The following NTRK2 variants were observed in gnomAD, a reference collection of about 807,000 sequenced individuals.
The protein encoded by NTRK2 is BDNF/NT-3 growth factors receptor.
A neutral mutation model predicts 94.5 loss-of-function variants in NTRK2; 13 were observed. The observed-to-expected ratio is 0.14, with a 90% confidence interval of 0.09 to 0.22. The LOEUF (loss-of-function observed/expected upper bound fraction) is 0.22. Ranked by LOEUF, NTRK2 falls within the 10% of genes least tolerant of loss-of-function variation. The pLI, the probability that NTRK2 is intolerant of heterozygous loss-of-function variation, is 1.00. For synonymous variants in NTRK2, 372 were observed against 407.4 expected (o/e 0.91, Z 1.05); for missense variants, 639 against 1,071.2 (o/e 0.60, Z 5.63).
chr9:84,675,767 C>T (rs906253910), intron 2 of NTRK2, among the ~76,000 whole-genome samples: 1 of 152,094 alleles, frequency 6.6e-6, no homozygotes, highest in African/African-American at 2.4e-5. Flanking sequence ...TAAAACAAAT[C>T]CCACCTCAAG....
intron 4 of NTRK2, among the ~76,000 whole-genome samples, chr9:84,704,906 G>A (rs933911370): frequency 1.3e-5 from 2 of 152,024 alleles, no homozygotes; most frequent in Admixed American, 1.3e-4. Flanking sequence ...CTGCCTTTCC[G>A]GATCTTAGAC....
chr9:84,782,784 T>G (rs2067725051), intron 12 of NTRK2, among the ~76,000 whole-genome samples: 1 of 152,132 alleles, frequency 6.6e-6, no homozygotes, highest in South Asian at 2.1e-4. Context: ...CAGGCTGAAG[T>G]TGTCTATTAA....
intron 1 of NTRK2, among the ~76,000 whole-genome samples, chr9:84,670,161 C>T (rs962926275): frequency 8.5e-5 from 13 of 152,150 alleles, no homozygotes; most frequent in Non-Finnish European, 1.9e-4. Context: ...CTCCCTTGGC[C>T]TCAGGCTCGA....
intron 12 of NTRK2, among the ~76,000 whole-genome samples, chr9:84,770,028 T>G (rs1250890620): frequency 2.0e-5 from 3 of 152,128 alleles, no homozygotes; most frequent in Non-Finnish European, 2.9e-5. Flanking sequence ...CTCCCTTTAC[T>G]GGCCTTGTGT....
intron 2 of NTRK2, among the ~76,000 whole-genome samples, chr9:84,681,823 T>C (rs1390722327): frequency 6.6e-6 from 1 of 152,116 alleles, no homozygotes; most frequent in African/African-American, 2.4e-5. Context: ...TTTATTTTTG[T>C]TTCAGTTTTT....
chr9:84,723,465 A>G, intron 6 of NTRK2, 108 bp from the exon 7 acceptor site: 4 of 1,302,122 alleles, frequency 3.1e-6, no homozygotes, highest in Middle Eastern at 4.3e-4. Flanking sequence ...TCAAAAAGCA[A>G]TTAAAGATTG....
intron 14 of NTRK2, among the ~76,000 whole-genome samples, chr9:84,888,018 C>T (rs1005292375): frequency 2.6e-5 from 4 of 152,096 alleles, no homozygotes; most frequent in South Asian, 2.1e-4. Context: ...AGGTACACAA[C>T]GTCTGGATAA....
chr9:84,938,078 T>C (rs1009812845), intron 15 of NTRK2, among the ~76,000 whole-genome samples: 1 of 152,120 alleles, frequency 6.6e-6, no homozygotes, highest in African/African-American at 2.4e-5. Flanking sequence ...TCAAGGAAGT[T>C]GAGTGACTTC....
intron 12 of NTRK2, among the ~76,000 whole-genome samples, chr9:84,765,260 T>G (rs1564217337): frequency 6.6e-6 from 1 of 152,226 alleles, no homozygotes; most frequent in Non-Finnish European, 1.5e-5. Context: ...TACCCCATTC[T>G]TCATGATGTG....
At chr9:84,876,566 G>A in intron 14 of NTRK2, 1 of 1,056,638 alleles carries the variant, frequency 9.5e-7, no homozygotes. Flanking sequence ...ACTTGAGCCA[G>A]ATGGACTAAC....
At chr9:84,974,097 G>T (rs1588088256) in intron 17 of NTRK2, among the ~76,000 whole-genome samples, 1 of 152,250 alleles carries the variant, frequency 6.6e-6, no homozygotes, top group East Asian at 1.9e-4. Flanking sequence ...TATTAGAGAA[G>T]AAGTTTATTT....
At chr9:84,957,481 A>G (rs970857626) in intron 17 of NTRK2, among the ~76,000 whole-genome samples, 2 of 152,220 alleles carry the variant, frequency 1.3e-5, no homozygotes, top group Non-Finnish European at 2.9e-5. Flanking sequence ...CAACATCCAC[A>G]TGGTCAATAA....
intron 17 of NTRK2, among the ~76,000 whole-genome samples, chr9:84,957,851 C>G (rs564429546): frequency 6.6e-6 from 1 of 152,324 alleles, no homozygotes; most frequent in South Asian, 2.1e-4. Flanking sequence ...TATTGTCCAT[C>G]AACTGATTAA....
chr9:84,754,686 G>A (rs2064924728), intron 12 of NTRK2, among the ~76,000 whole-genome samples: 1 of 152,176 alleles, frequency 6.6e-6, no homozygotes, highest in Non-Finnish European at 1.5e-5. Context: ...GCCAGGACTA[G>A]GCACCATGTG....
chr9:84,800,078 C>T (rs904744387), intron 12 of NTRK2, among the ~76,000 whole-genome samples: 4 of 152,202 alleles, frequency 2.6e-5, no homozygotes, highest in Admixed American at 1.3e-4. Flanking sequence ...AAGATGGAAA[C>T]AGGCACTGTC....
At chr9:84,901,402 G>GTT (rs2076925766) in intron 14 of NTRK2, among the ~76,000 whole-genome samples, 1 of 151,482 alleles carries the variant, frequency 6.6e-6, no homozygotes, top group South Asian at 2.1e-4. Flanking sequence ...TTGTGTGTGT[G>GTT]TGTGTATTTT....
At chr9:84,892,845 TG>T (rs1286781556) in intron 14 of NTRK2, among the ~76,000 whole-genome samples, 1 of 151,738 alleles carries the variant, frequency 6.6e-6, no homozygotes, top group Non-Finnish European at 1.5e-5. Context: ...TTGCTTGAAC[TG>T]GGGAGGCGGA....
intron 12 of NTRK2, among the ~76,000 whole-genome samples, chr9:84,777,108 A>G (rs916870358): frequency 6.6e-6 from 1 of 152,212 alleles, no homozygotes; most frequent in African/African-American, 2.4e-5. Context: ...TTTGAGGGGA[A>G]ACTTCCAGTC....
intron 12 of NTRK2, among the ~76,000 whole-genome samples, chr9:84,761,039 C>T (rs958067188): frequency 6.6e-6 from 1 of 152,208 alleles, no homozygotes; most frequent in Non-Finnish European, 1.5e-5. Context: ...AAGGCTTGGA[C>T]AGGCTAACAG....
Sources: gnomAD v4.1 joint callset for allele counts (sites outside exome capture counted in the v4.1 genomes callset) on GRCh38, gnomAD v4.1.1 for gene constraint, MANE v1.5 for transcripts, NCBI Gene and HGNC (gene_info 2026-07-23, HGNC 2026-07-21) for gene names.